The following COBL variants were observed in gnomAD, a reference collection of about 807,000 sequenced individuals.
COBL encodes protein cordon-bleu.
COBL carries 51 observed loss-of-function variants against 98.8 expected under a neutral mutation model. The observed-to-expected ratio is 0.52, with a 90% CI of 0.41 to 0.65. The LOEUF is 0.65. Ranked by LOEUF, COBL falls within the 30% of genes least tolerant of loss-of-function variation. COBL has a pLI of 0.00. For missense variants in COBL, 1,617 were observed against 1,617.5 expected (o/e 1.00, Z 0.01); for synonymous variants, 634 against 651.7 (o/e 0.97, Z 0.41).
chr7:51,270,103 G>A (rs1404869018), intron 1 of COBL, among the ~76,000 whole-genome samples: 3 of 152,208 alleles, frequency 2.0e-5, no homozygotes, highest in East Asian at 1.9e-4. Flanking sequence ...GTTGTTGCAT[G>A]AGCACTTTTG....
At chr7:51,088,669 T>C (rs1051791471) in intron 6 of COBL, among the ~76,000 whole-genome samples, 1 of 152,202 alleles carries the variant, frequency 6.6e-6, no homozygotes, top group Non-Finnish European at 1.5e-5. Context: ...TGACTGATTG[T>C]TTATAATATG....
At position 51,220,116 on chromosome 7, in the gene COBL, T is replaced by C. The variant is rs939976962; in HGVS notation, c.42-172A>G. On this transcript the variant is annotated intron_variant, in intron 1 of 12. Transcript: ENST00000265136. ...GTAAAAACTAATAAAGTAAACAAAA[T>C]AGAGAAAGGGTTATTAAAAGGAAGC... 4.6e-5 allele frequency among the ~76,000 whole-genome samples: 7 copies of C among 151,756 alleles called. No individual in the cohort carries two copies. The East Asian group carries it at 1.4e-3, about 29-fold the overall frequency.
chr7:51,189,818 G>A (rs932982521), intron 4 of COBL, among the ~76,000 whole-genome samples: 1 of 152,174 alleles, frequency 6.6e-6, no homozygotes, highest in African/African-American at 2.4e-5. Flanking sequence ...AAACTTTTAC[G>A]AAGTCCATTT....
At chr7:51,186,242 C>T (rs1014241666) in intron 4 of COBL, among the ~76,000 whole-genome samples, 16 of 150,700 alleles carry the variant, frequency 1.1e-4, no homozygotes, top group African/African-American at 3.2e-4. Context: ...CGGATGCTCA[C>T]GAACTGACGA....
At chr7:51,036,479 G>C (rs991244589) in intron 8 of COBL, among the ~76,000 whole-genome samples, 1 of 151,516 alleles carries the variant, frequency 6.6e-6, no homozygotes, top group Non-Finnish European at 1.5e-5. Flanking sequence ...GTTTCTAAAT[G>C]CTCCTGTGTC....
chr7:51,193,634 T>G, intron 2 of COBL, 45 bp from the exon 3 acceptor site: 1 of 1,557,540 alleles, frequency 6.4e-7, no homozygotes, highest in South Asian at 1.1e-5. Flanking sequence ...ATGACTGCAC[T>G]CTCTCTTTTG....
chr7:51,183,950 C>T, intron 5 of COBL, 152 bp downstream of exon 5: 1 of 415,006 alleles, frequency 2.4e-6, no homozygotes, highest in Non-Finnish European at 4.4e-6. Flanking sequence ...CCTGTCATTC[C>T]AGTGCATACT....
intron 2 of COBL, among the ~76,000 whole-genome samples, chr7:51,206,503 A>G (rs926527702): frequency 2.0e-5 from 3 of 152,038 alleles, no homozygotes; most frequent in Non-Finnish European, 2.9e-5. Flanking sequence ...AAAAAAAAAA[A>G]AAAGAAAGAA....
intron 5 of COBL, among the ~76,000 whole-genome samples, chr7:51,153,826 G>A (rs551069456): frequency 2.2e-4 from 33 of 152,278 alleles, no homozygotes; most frequent in African/African-American, 6.5e-4. Flanking sequence ...GTGCTGTCAC[G>A]CAGCGGCCAG....
chr7:51,145,282 C>G (rs1378968925), intron 5 of COBL, among the ~76,000 whole-genome samples: 4 of 152,180 alleles, frequency 2.6e-5, no homozygotes, highest in Non-Finnish European at 5.9e-5. Flanking sequence ...TCCCAAAGTG[C>G]TGGGATCATA....
intron 5 of COBL, among the ~76,000 whole-genome samples, chr7:51,148,063 C>T (rs551663270): frequency 8.1e-4 from 123 of 152,302 alleles, no homozygotes; most frequent in African/African-American, 2.9e-3. Flanking sequence ...CACCCAGCCA[C>T]ATTGATTTAT....
intron 1 of COBL, among the ~76,000 whole-genome samples, chr7:51,312,243 A>C (rs1394780832): frequency 6.6e-6 from 1 of 152,144 alleles, no homozygotes; most frequent in African/African-American, 2.4e-5. Flanking sequence ...AGGCAGGAGA[A>C]TCGCTTGAAC....
intron 7 of COBL, among the ~76,000 whole-genome samples, chr7:51,043,895 C>T (rs902495426): frequency 2.0e-5 from 3 of 152,154 alleles, no homozygotes; most frequent in Non-Finnish European, 4.4e-5. Context: ...AGATTGAGGG[C>T]AAAATTTTCC....
chr7:51,289,040 G>C (rs1378613439), intron 1 of COBL, among the ~76,000 whole-genome samples: 3 of 152,170 alleles, frequency 2.0e-5, no homozygotes, highest in Non-Finnish European at 2.9e-5. Context: ...CAGAGAGAAA[G>C]GAGAACAGAG....
intron 6 of COBL, among the ~76,000 whole-genome samples, chr7:51,097,247 C>G (rs1795348809): frequency 6.6e-6 from 1 of 152,016 alleles, no homozygotes. Context: ...AACTCAACAC[C>G]CTTTTATGAT....
At position 51,140,393 on chromosome 7, in the gene COBL, G is replaced by A. The variant is rs144373699; in HGVS notation, c.784-4062C>T. On this transcript the variant is annotated intron_variant, in intron 5 of 12. Coordinates refer to ENST00000265136, the MANE Select transcript of COBL (RefSeq NM_015198.5). ...TGATTTGACTCTCATACGCGCATCT[G>A]GGGAGAGAAGACAGGAAGAAGAGGA... Among the ~76,000 whole-genome samples, 749 of 152,238 alleles carry A rather than the reference G, an allele frequency of 4.9e-3. 2 individuals are homozygous for A. Among genetic ancestry groups the A allele is most frequent in the Non-Finnish European group, 8.0e-3 (547 of 68,020 alleles).
intron 6 of COBL, among the ~76,000 whole-genome samples, chr7:51,097,811 C>T (rs1430094546): frequency 6.6e-6 from 1 of 152,014 alleles, no homozygotes; most frequent in Non-Finnish European, 1.5e-5. Flanking sequence ...ATCACAAGGT[C>T]AGCAGATCGA....
intron 6 of COBL, among the ~76,000 whole-genome samples, chr7:51,105,762 A>C (rs911305979): frequency 1.8e-4 from 27 of 151,860 alleles, no homozygotes; most frequent in Non-Finnish European, 2.8e-4. Context: ...TCTCAGATCC[A>C]CCCTCTGTCC....
intron 7 of COBL, among the ~76,000 whole-genome samples, chr7:51,070,335 T>C (rs771691290): frequency 6.6e-6 from 1 of 150,756 alleles, no homozygotes; most frequent in Non-Finnish European, 1.5e-5. Flanking sequence ...GTGCAAAAGC[T>C]ATTTTGGGTT....
Sources: allele counts gnomAD v4.1 joint callset (sites outside exome capture counted in the v4.1 genomes callset), GRCh38; gene constraint gnomAD v4.1.1; transcripts MANE v1.5; gene names NCBI Gene and HGNC (gene_info 2026-07-23, HGNC 2026-07-21).